Variants in ADAMTSL1 observed in about 807,000 individuals in gnomAD.
ADAMTSL1 encodes ADAMTS like 1, also known as ADAMTS-like protein 1.
A neutral mutation model predicts 201.8 loss-of-function variants in ADAMTSL1; 126 were observed. The ratio of observed to expected loss-of-function variants is 0.62; its 90% confidence interval spans 0.54 to 0.72. The LOEUF is 0.72. Among genes scored for constraint, ADAMTSL1 ranks in the 30% least tolerant of loss-of-function variants. The pLI is 0.00. For synonymous variants in ADAMTSL1, 1,121 were observed against 903.4 expected (o/e 1.24, Z -4.32); for missense variants, 2,679 against 2,277.8 (o/e 1.18, Z -3.59).
chr9:17,969,399 G>A (rs1000631391), intron 1 of ADAMTSL1, among the ~76,000 whole-genome samples: 28 of 152,056 alleles, frequency 1.8e-4, no homozygotes, highest in African/African-American at 6.5e-4. Context: ...CTGAGATACA[G>A]GAGGTAGACT....
chr9:18,434,824 A>G (rs10511636), intron 2 of ADAMTSL1, among the ~76,000 whole-genome samples: 2,485 of 152,196 alleles, frequency 0.016, 31 homozygotes, highest in Non-Finnish European at 0.025. Flanking sequence ...TGCTGGTATC[A>G]CCTTATTCAG....
intron 21 of ADAMTSL1, among the ~76,000 whole-genome samples, chr9:18,820,375 T>A (rs56160805): frequency 0.059 from 8,916 of 152,210 alleles, 309 homozygotes; most frequent in East Asian, 0.18. Context: ...TTTCTTATTA[T>A]AAAATATTAG....
rs200551918 is a variant in ADAMTSL1, at chr9:18,706,761, C to T, written c.1589C>T (p.Ala530Val). 7 of 1,603,300 alleles carry T rather than the reference C, an allele frequency of 4.4e-6. No homozygotes were observed. In the South Asian group the frequency reaches 4.5e-5, roughly 10 times the overall value. The change falls in exon 14 of 29, where the codon GCC becomes GTC. Residue 530 changes from alanine (A) to valine (V), a missense_variant. Transcript: ENST00000380548. Reference sequence around the variant, plus strand: ...GCCGACTGCAGGTTCATCCCAGAGGCCTGGTCGGCCTGCACAGTCACCTGT... The same window carrying T: ...GCCGACTGCAGGTTCATCCCAGAGGTCTGGTCGGCCTGCACAGTCACCTGT... ...VSEEPSFIPE[A>V]WSACTVTCGV...
chr9:18,330,865 A>G (rs1336188533), intron 2 of ADAMTSL1, among the ~76,000 whole-genome samples: 1 of 152,258 alleles, frequency 6.6e-6, no homozygotes, highest in African/African-American at 2.4e-5. Flanking sequence ...ACTGTTATTT[A>G]CTGAGCACCA....
chr9:18,617,065 A>C (rs1825740565), intron 4 of ADAMTSL1, among the ~76,000 whole-genome samples: 1 of 152,206 alleles, frequency 6.6e-6, no homozygotes, highest in African/African-American at 2.4e-5. Flanking sequence ...CCCAGTGCTG[A>C]AAATAGAAAG....
intron 20 of ADAMTSL1, among the ~76,000 whole-genome samples, chr9:18,814,951 A>C (rs904633108): frequency 6.6e-6 from 1 of 152,214 alleles, no homozygotes. Flanking sequence ...CAGGCATATG[A>C]AAAAATGCTC....
At chr9:18,690,061 G>A (rs1450440737) in intron 13 of ADAMTSL1, among the ~76,000 whole-genome samples, 1 of 152,176 alleles carries the variant, frequency 6.6e-6, no homozygotes, top group Non-Finnish European at 1.5e-5. Flanking sequence ...GATGCCAGAT[G>A]GCATCAGCTT....
At chr9:18,019,425 A>C (rs1428887963) in intron 1 of ADAMTSL1, among the ~76,000 whole-genome samples, 1 of 152,156 alleles carries the variant, frequency 6.6e-6, no homozygotes, top group African/African-American at 2.4e-5. Context: ...GATGAAGCTA[A>C]GAGTGTGACC....
intron 13 of ADAMTSL1, chr9:18,706,515 G>A (rs1832241563): frequency 6.0e-6 from 3 of 501,202 alleles, no homozygotes; most frequent in Non-Finnish European, 1.1e-5. Context: ...TCTCTGGAAT[G>A]TCTTGCAGCT....
At chr9:18,136,887 A>G (rs1024517961) in intron 1 of ADAMTSL1, among the ~76,000 whole-genome samples, 1 of 152,150 alleles carries the variant, frequency 6.6e-6, no homozygotes, top group Non-Finnish European at 1.5e-5. Flanking sequence ...CTAATGTGTG[A>G]GGATGACTTA....
intron 3 of ADAMTSL1, among the ~76,000 whole-genome samples, chr9:18,563,698 G>C (rs942061476): frequency 5.9e-5 from 9 of 152,222 alleles, no homozygotes; most frequent in Non-Finnish European, 1.2e-4. Flanking sequence ...CTTTCCTTCA[G>C]AGATGCCCTG....
intron 15 of ADAMTSL1, among the ~76,000 whole-genome samples, chr9:18,724,532 T>A (rs970655863): frequency 1.3e-5 from 2 of 152,264 alleles, no homozygotes; most frequent in African/African-American, 4.8e-5. Flanking sequence ...TTTGTGTGCA[T>A]GTAGTGCCTA....
chr9:18,485,271 C>G (rs1821930125), intron 1 of ADAMTSL1, among the ~76,000 whole-genome samples: 1 of 152,006 alleles, frequency 6.6e-6, no homozygotes, highest in African/African-American at 2.4e-5. Flanking sequence ...TTGAAAAAGC[C>G]AAAAGTCCCA....
chr9:18,130,884 A>G (rs1388634437), intron 1 of ADAMTSL1, among the ~76,000 whole-genome samples: 1 of 152,152 alleles, frequency 6.6e-6, no homozygotes. Context: ...TTAAGTATCC[A>G]TCATCAACTT....
At chr9:18,315,314 G>C (rs533685232) in intron 2 of ADAMTSL1, among the ~76,000 whole-genome samples, 2 of 152,138 alleles carry the variant, frequency 1.3e-5, no homozygotes, top group East Asian at 3.9e-4. Flanking sequence ...AGCTGGCTTC[G>C]CCTAGTGCAT....
chr9:17,944,582 A>C (rs2077251193), intron 1 of ADAMTSL1, among the ~76,000 whole-genome samples: 1 of 148,410 alleles, frequency 6.7e-6, no homozygotes, highest in Non-Finnish European at 1.5e-5. Flanking sequence ...AGGCTACAGT[A>C]ACCAAAACAG....
At position 18,744,753 on chromosome 9, in the gene ADAMTSL1, A is replaced by G. The variant is rs147786248; in HGVS notation, c.2007-8545A>G. ...GTGGCAGAGCACAATTCATTCGCAA[A>G]CAATCCGATCTTAGAGCCCAAGGTC... On this transcript the variant is annotated intron_variant, in intron 15 of 28. Coordinates refer to ENST00000380548, the MANE Select transcript of ADAMTSL1 (RefSeq NM_001040272.6). Among the ~76,000 whole-genome samples, 111 of 152,316 alleles carry G rather than the reference A, an allele frequency of 7.3e-4. 3 individuals are homozygous for G. The East Asian group carries it at 0.02, about 28-fold the overall frequency.
intron 4 of ADAMTSL1, among the ~76,000 whole-genome samples, chr9:18,600,181 G>A (rs992826760): frequency 6.6e-6 from 1 of 152,020 alleles, no homozygotes; most frequent in African/African-American, 2.4e-5. Context: ...CTTCCCCAAA[G>A]GCTATATAGG....
At chr9:18,292,149 A>G (rs1833298089) in intron 2 of ADAMTSL1, among the ~76,000 whole-genome samples, 1 of 152,080 alleles carries the variant, frequency 6.6e-6, no homozygotes, top group African/African-American at 2.4e-5. Context: ...GTAAATGGAA[A>G]TATCAATCCA....
Sources: allele counts gnomAD v4.1 joint callset (sites outside exome capture counted in the v4.1 genomes callset), GRCh38; gene constraint gnomAD v4.1.1; transcripts MANE v1.5; gene names NCBI Gene and HGNC (gene_info 2026-07-23, HGNC 2026-07-21).